Variants in ATP10A observed in about 807,000 individuals in gnomAD.
ATP10A encodes phospholipid-transporting ATPase VA.
In ATP10A, 111 loss-of-function variants were observed where a neutral mutation model predicts 147.8. That is an observed-to-expected ratio of 0.75 (90% CI 0.64 to 0.88). The LOEUF (loss-of-function observed/expected upper bound fraction) is 0.88. Among genes scored for constraint, ATP10A ranks in the 40% least tolerant of loss-of-function variants. The pLI, the probability that ATP10A is intolerant of heterozygous loss-of-function variation, is 0.00. For missense variants in ATP10A, 1,927 were observed against 1,959.0 expected (o/e 0.98, Z 0.31); for synonymous variants, 875 against 841.6 (o/e 1.04, Z -0.69).
intron 1 of ATP10A, among the ~76,000 whole-genome samples, chr15:25,858,090 G>C (rs768707301): frequency 4.6e-5 from 7 of 152,186 alleles, no homozygotes; most frequent in Non-Finnish European, 7.3e-5. Context: ...TATATGATAT[G>C]TAACAGGTAC....
At chr15:25,832,271 T>C (rs1431393104) in intron 1 of ATP10A, among the ~76,000 whole-genome samples, 1 of 152,214 alleles carries the variant, frequency 6.6e-6, no homozygotes, top group South Asian at 2.1e-4. Flanking sequence ...TGTAAGAGAA[T>C]ACACTTCTGT....
chr15:25,681,635 C>A lies in ATP10A; in HGVS notation c.3493-561G>T, dbSNP rs537816306. 2.6e-5 allele frequency among the ~76,000 whole-genome samples: 4 copies of A among 152,272 alleles called. No homozygotes were observed. The East Asian group carries it at 7.7e-4, about 29-fold the overall frequency. On this transcript the variant is annotated intron_variant, in intron 17 of 20. Coordinates refer to ENST00000555815, the MANE Select transcript of ATP10A (RefSeq NM_024490.4). ...CTCACTCTCTCAGGACTTTTGGAGA[C>A]GCGAGGCCCCAGAGGCCCGATGAAA... is the stretch of plus-strand genomic sequence containing the variant.
chr15:25,832,577 TC>T (rs910767570), intron 1 of ATP10A, among the ~76,000 whole-genome samples: 4 of 152,144 alleles, frequency 2.6e-5, no homozygotes, highest in Non-Finnish European at 4.4e-5. Context: ...TTTTTTTTTT[TC>T]AAACACATTT....
In ATP10A at chr15:25,706,067, G is replaced by A. The variant is rs192667088; in HGVS notation, c.2575+1909C>T. Among the ~76,000 whole-genome samples the A allele has an allele frequency of 5.3e-4, 80 of 152,268 alleles. 1 individual carries two copies. In the South Asian group the frequency reaches 7.9e-3, roughly 15 times the overall value. On this transcript the variant is annotated intron_variant, in intron 12 of 20. Coordinates refer to ENST00000555815, the MANE Select transcript of ATP10A (RefSeq NM_024490.4). ...ATCAGAGGAAGTGGAACAGGGGATC[G>A]GTAGACAACTCTGATTTTAGATCTT...
chr15:25,787,838 C>T (rs1890240552), intron 1 of ATP10A, among the ~76,000 whole-genome samples: 1 of 151,982 alleles, frequency 6.6e-6, no homozygotes, highest in East Asian at 1.9e-4. Context: ...GAAGTGCCCC[C>T]TACATCGGCC....
chr15:25,775,584 GCA>G (rs974051358), intron 2 of ATP10A, among the ~76,000 whole-genome samples: 149 of 152,286 alleles, frequency 9.8e-4, no homozygotes, highest in African/African-American at 3.2e-3. Flanking sequence ...GCACCACTGT[GCA>G]CACACACACG....
At position 25,713,977 on chromosome 15, in the gene ATP10A, G is replaced by C; in HGVS notation, c.2041C>G (p.Leu681Val). ...CGCTCTGACTCCTGCTCCTGAGCAA[G>C]CTCCGAGGCCCAGTTGTCCGCCTGG... ...SSQADNWASE[L>V]AQEQESEREL... Residue 681 changes from leucine to valine, a missense_variant, in exon 10 of 21, where the codon CTT (leucine) becomes GTT (valine). Transcript: ENST00000555815. 6.2e-7 allele frequency: 1 copy of C among 1,609,746 alleles called. No individual in the cohort carries two copies. Among genetic ancestry groups the C allele is most frequent in the South Asian group, 1.1e-5 (1 of 91,076 alleles).
At chr15:25,773,651 C>T (rs990894166) in intron 2 of ATP10A, among the ~76,000 whole-genome samples, 3 of 152,168 alleles carry the variant, frequency 2.0e-5, no homozygotes, top group Non-Finnish European at 4.4e-5. Flanking sequence ...GAACATTTAT[C>T]CTCTCCTAAA....
Position 25,721,608 on chromosome 15 carries a change from C to T in ATP10A, c.1363+49G>A, listed in dbSNP as rs193217723. 6.7e-3 allele frequency: 10,498 copies of T among 1,571,904 alleles called. 78 individuals carry two copies. Among genetic ancestry groups the T allele is most frequent in the Non-Finnish European group, 6.5e-3 (7,574 of 1,157,160 alleles). On this transcript the variant is annotated intron_variant, in intron 7 of 20. Transcript: ENST00000555815. ...TGTCTCCAAACAATTCTGGATAGGGCAGCTTTCTGGTTCAGCCTGGGTTGG... is the reference window on the plus strand; with the variant it reads ...TGTCTCCAAACAATTCTGGATAGGGTAGCTTTCTGGTTCAGCCTGGGTTGG...
intron 4 of ATP10A, among the ~76,000 whole-genome samples, chr15:25,726,616 T>A (rs1469089206): frequency 6.6e-6 from 1 of 151,790 alleles, no homozygotes; most frequent in Non-Finnish European, 1.5e-5. Flanking sequence ...TAATTTTTTG[T>A]GTGTTTTTAG....
chr15:25,847,793 G>C (rs947449772), intron 1 of ATP10A, among the ~76,000 whole-genome samples: 1 of 151,616 alleles, frequency 6.6e-6, no homozygotes, highest in African/African-American at 2.4e-5. Flanking sequence ...ACCATGCCCA[G>C]CTAATTTTTC....
chr15:25,809,821 G>A (rs1242846922), intron 1 of ATP10A, among the ~76,000 whole-genome samples: 2 of 152,136 alleles, frequency 1.3e-5, no homozygotes, highest in East Asian at 3.9e-4. Flanking sequence ...AGGGACTGGA[G>A]ACACCTAGTC....
chr15:25,725,785 T>A (rs1327849380), intron 5 of ATP10A, among the ~76,000 whole-genome samples, 166 bp downstream of exon 5: 1 of 151,858 alleles, frequency 6.6e-6, no homozygotes, highest in Non-Finnish European at 1.5e-5. Context: ...CAGGCACATT[T>A]TTTTTGTATT....
chr15:25,747,919 T>C (rs993870362), intron 2 of ATP10A, among the ~76,000 whole-genome samples: 2 of 152,084 alleles, frequency 1.3e-5, no homozygotes, highest in African/African-American at 4.8e-5. Context: ...ATAAACATAT[T>C]AAAAAACACA....
chr15:25,714,175 G>C lies in ATP10A; in HGVS notation c.1843C>G (p.Pro615Ala), dbSNP rs760676029. 92 of 1,608,278 alleles carry C rather than the reference G, an allele frequency of 5.7e-5. No homozygotes were observed. Among genetic ancestry groups the C allele is most frequent in the Non-Finnish European group, 7.5e-5 (88 of 1,180,018 alleles). Residue 615 changes from proline (P) to alanine (A), a missense_variant, in exon 10 of 21, where the codon CCC becomes GCC. Coordinates refer to ENST00000555815, the MANE Select transcript of ATP10A (RefSeq NM_024490.4). Reference sequence around the variant, plus strand: ...CTGCAGCCTGAGGTCAGGCAGCTGGGTGTGAACCTCCGCAGGAAGTCTTCT... The same window carrying C: ...CTGCAGCCTGAGGTCAGGCAGCTGGCTGTGAACCTCCGCAGGAAGTCTTCT... Reference protein sequence around the residue: ...TIEDFLRRFTPSCLTSGCSSI... With the variant: ...TIEDFLRRFTASCLTSGCSSI...
At chr15:25,798,164 T>TC in intron 1 of ATP10A, among the ~76,000 whole-genome samples, 2 of 152,216 alleles carry the variant, frequency 1.3e-5, no homozygotes, top group East Asian at 3.9e-4. Flanking sequence ...ACATAGGCAG[T>TC]CTCAGCAATG....
intron 2 of ATP10A, among the ~76,000 whole-genome samples, chr15:25,776,294 G>GT (rs1889601593): frequency 6.6e-6 from 1 of 152,182 alleles, no homozygotes; most frequent in South Asian, 2.1e-4. Flanking sequence ...CCCACGCAAA[G>GT]TGGAGGAACC....
At chr15:25,683,537 G>A in intron 16 of ATP10A, 51 bp from the exon 17 acceptor site, 1 of 1,532,956 alleles carries the variant, frequency 6.5e-7, no homozygotes, top group Non-Finnish European at 8.9e-7. Context: ...AGCCATTGCT[G>A]AGGATTCTCA....
chr15:25,723,769 G>A, intron 6 of ATP10A, 122 bp downstream of exon 6: 1 of 828,576 alleles, frequency 1.2e-6, no homozygotes. Flanking sequence ...CAGAACTCCA[G>A]GTAGATATAT....
Sources: gnomAD v4.1 joint callset for allele counts (sites outside exome capture counted in the v4.1 genomes callset) on GRCh38, gnomAD v4.1.1 for gene constraint, MANE v1.5 for transcripts, NCBI Gene and HGNC (gene_info 2026-07-23, HGNC 2026-07-21) for gene names.